PTPRT: variants seen among roughly 807,000 people sequenced by gnomAD.
PTPRT encodes protein tyrosine phosphatase receptor type T.
PTPRT carries 56 observed loss-of-function variants against 176.8 expected under a neutral mutation model. The ratio of observed to expected loss-of-function variants is 0.32; its 90% CI spans 0.26 to 0.40. PTPRT has a LOEUF of 0.40. Ranked by LOEUF, PTPRT falls within the 10% of genes least tolerant of loss-of-function variation. The pLI is 1.00. For synonymous variants in PTPRT, 783 were observed against 739.0 expected, an observed-to-expected ratio of 1.06 and a Z score of -0.96; for missense variants, 1,540 against 1,908.2, an observed-to-expected ratio of 0.81 and a Z score of 3.60.
intron 9 of PTPRT, among the ~76,000 whole-genome samples, chr20:42,363,457 T>C (rs1456847428): frequency 6.6e-6 from 1 of 150,598 alleles, no homozygotes; most frequent in Non-Finnish European, 1.5e-5. Context: ...ATTACAGGCA[T>C]GCACCTCCAC....
chr20:43,016,271 C>A (rs1324236373), intron 1 of PTPRT, among the ~76,000 whole-genome samples: 1 of 152,192 alleles, frequency 6.6e-6, no homozygotes, highest in African/African-American at 2.4e-5. Context: ...GTGGGCTGGC[C>A]ATGCTGCCAA....
chr20:42,702,239 G>T (rs974865381), intron 6 of PTPRT, among the ~76,000 whole-genome samples: 19 of 152,114 alleles, frequency 1.2e-4, no homozygotes, highest in Non-Finnish European at 7.4e-5. Flanking sequence ...ATCATGATGG[G>T]CCTATTCTGA....
intron 6 of PTPRT, among the ~76,000 whole-genome samples, chr20:42,717,043 G>T (rs1446823796): frequency 9.2e-5 from 14 of 151,830 alleles, no homozygotes; most frequent in Admixed American, 6.6e-5. Context: ...TTGTGGGGTG[G>T]GGGGAGGCGG....
At chr20:43,162,317 AC>A (rs1354711736) in intron 1 of PTPRT, among the ~76,000 whole-genome samples, 1 of 152,216 alleles carries the variant, frequency 6.6e-6, no homozygotes, top group Non-Finnish European at 1.5e-5. Context: ...GCATTAACTC[AC>A]TTAATGCTCA....
intron 6 of PTPRT, among the ~76,000 whole-genome samples, chr20:42,742,297 C>G (rs1487429269): frequency 6.6e-6 from 1 of 152,224 alleles, no homozygotes; most frequent in East Asian, 1.9e-4. Context: ...AATGAGGTTT[C>G]TAAGCCATCA....
chr20:42,852,205 C>A (rs2078484860), intron 2 of PTPRT, among the ~76,000 whole-genome samples: 1 of 152,156 alleles, frequency 6.6e-6, no homozygotes. Flanking sequence ...GTTTTAAAAA[C>A]ATAAATATGT....
rs76278004 is a variant in PTPRT at position 42,705,391 on chromosome 20, G to T, written c.860-27232C>A. On this transcript the variant is annotated intron_variant, in intron 6 of 30. Coordinates refer to ENST00000373187, the MANE Select transcript of PTPRT (RefSeq NM_007050.6). ...TTTGGGATAGGTGGTGGAGTTAGGA[G>T]CAATTTTTGCAGGCAGCATTCACAA... Among the ~76,000 whole-genome samples, 683 of 149,506 alleles carry T rather than the reference G, an allele frequency of 4.6e-3. 9 individuals are homozygous for T. Among genetic ancestry groups the T allele is most frequent in the African/African-American group, 0.016 (640 of 40,526 alleles).
chr20:42,459,264 G>T (rs2145884716), intron 8 of PTPRT, among the ~76,000 whole-genome samples: 1 of 152,338 alleles, frequency 6.6e-6, no homozygotes, highest in African/African-American at 2.4e-5. Flanking sequence ...CAAGTAGCAA[G>T]AGATGACACA....
intron 23 of PTPRT, among the ~76,000 whole-genome samples, chr20:42,109,935 T>TG (rs1254869232): frequency 3.3e-5 from 5 of 151,960 alleles, no homozygotes; most frequent in South Asian, 2.1e-4. Context: ...GCACTGGGCA[T>TG]GGGGGGGACA....
rs149450966 is a variant in PTPRT, at chr20:42,325,054, A to G, written c.1866-9058T>C. Reference sequence around the variant, plus strand: ...ACATAGCAGGTTCAAATTTGAATGCAACCTGGCCACTGGGTACTGGGTGCT... The same window carrying G: ...ACATAGCAGGTTCAAATTTGAATGCGACCTGGCCACTGGGTACTGGGTGCT... On this transcript the variant is annotated intron_variant, in intron 11 of 30. Coordinates refer to ENST00000373187, the MANE Select transcript of PTPRT (RefSeq NM_007050.6). Among the ~76,000 whole-genome samples, 397 of 152,322 alleles carry G rather than the reference A, an allele frequency of 2.6e-3. 1 individual carries two copies. The highest frequency in any genetic ancestry group is 9.0e-3 in the African/African-American group (375 of 41,560).
intron 7 of PTPRT, among the ~76,000 whole-genome samples, chr20:42,570,815 A>G (rs2073140177): frequency 6.6e-6 from 1 of 152,154 alleles, no homozygotes; most frequent in African/African-American, 2.4e-5. Flanking sequence ...ATCCAAGCTA[A>G]TCTTCCCATC....
the PTPRT span, among the ~76,000 whole-genome samples, chr20:42,064,625 A>G: frequency 2.6e-5 from 4 of 152,164 alleles, no homozygotes; most frequent in Non-Finnish European, 5.9e-5. Flanking sequence ...TTGCATACTT[A>G]TTTTATAACC....
intron 7 of PTPRT, among the ~76,000 whole-genome samples, chr20:42,672,339 C>T (rs1408327833): frequency 6.6e-6 from 1 of 152,190 alleles, no homozygotes; most frequent in African/African-American, 2.4e-5. Flanking sequence ...TGTCCTTGTA[C>T]ATCAGACTCC....
Position 42,489,360 on chromosome 20 carries a change from T to A in PTPRT, c.1154-16798A>T, listed in dbSNP as rs116920451. Among the ~76,000 whole-genome samples the A allele has an allele frequency of 9.9e-3, 1,509 of 152,220 alleles. 14 individuals are homozygous for A. The highest frequency in any genetic ancestry group is 0.014 in the Non-Finnish European group (966 of 67,994). On this transcript the variant is annotated intron_variant, in intron 7 of 30. Coordinates refer to ENST00000373187, the MANE Select transcript of PTPRT (RefSeq NM_007050.6). ...TCACCTGTCACTTTCAGGACTGTTTTAAAGCCCAAGTGTAATTGGCCCATT... is the reference window on the plus strand; with the variant it reads ...TCACCTGTCACTTTCAGGACTGTTTAAAAGCCCAAGTGTAATTGGCCCATT...
chr20:42,746,804 T>C (rs1047469725), intron 6 of PTPRT, among the ~76,000 whole-genome samples: 1 of 152,068 alleles, frequency 6.6e-6, no homozygotes, highest in Non-Finnish European at 1.5e-5. Context: ...AGGCATGAGA[T>C]GAGAGGAGGA....
intron 15 of PTPRT, among the ~76,000 whole-genome samples, chr20:42,216,864 C>T (rs1228894454): frequency 6.6e-6 from 1 of 152,156 alleles, no homozygotes; most frequent in Admixed American, 6.5e-5. Context: ...CTTGAGTGTG[C>T]ATCAGAATCA....
At chr20:42,818,500 C>T (rs145745764) in intron 2 of PTPRT, among the ~76,000 whole-genome samples, 26 of 152,306 alleles carry the variant, frequency 1.7e-4, no homozygotes, top group African/African-American at 5.5e-4. Context: ...ACGACTGCAA[C>T]GTCGTTCCAT....
intron 1 of PTPRT, among the ~76,000 whole-genome samples, chr20:43,153,936 C>T (rs551766122): frequency 6.6e-6 from 1 of 152,270 alleles, no homozygotes; most frequent in South Asian, 2.1e-4. Flanking sequence ...AGAGAAACCT[C>T]TAGAGATGGC....
intron 1 of PTPRT, among the ~76,000 whole-genome samples, chr20:43,176,561 C>A (rs951214097): frequency 2.6e-5 from 4 of 152,178 alleles, no homozygotes; most frequent in African/African-American, 9.6e-5. Flanking sequence ...GGCAAAATGC[C>A]CTTTATCCAC....
Sources: allele counts gnomAD v4.1 joint callset (sites outside exome capture counted in the v4.1 genomes callset), GRCh38; gene constraint gnomAD v4.1.1; transcripts MANE v1.5; gene names NCBI Gene and HGNC (gene_info 2026-07-23, HGNC 2026-07-21).